The following THSD7A variants were observed in gnomAD, a reference collection of about 807,000 sequenced individuals.
The protein encoded by THSD7A is thrombospondin type-1 domain-containing protein 7A.
Under a neutral mutation model 231.3 loss-of-function variants are expected in THSD7A, and 96 were observed. The observed-to-expected ratio is 0.41, with a 90% CI of 0.35 to 0.49. THSD7A has a LOEUF of 0.49. Ranked by LOEUF, THSD7A falls within the 20% of genes least tolerant of loss-of-function variation. THSD7A has a pLI of 0.05. For synonymous variants in THSD7A, 940 were observed against 743.3 expected (o/e 1.26, Z -4.30); for missense variants, 2,290 against 2,070.2 (o/e 1.11, Z -2.06).
chr7:11,796,546 C>T (rs889215256), intron 1 of THSD7A, among the ~76,000 whole-genome samples: 2 of 151,474 alleles, frequency 1.3e-5, no homozygotes, highest in African/African-American at 4.8e-5. Context: ...TTACTTTATG[C>T]AGTCTTTGTT....
Position 11,423,958 on chromosome 7 carries a change from T to C in THSD7A, c.3383+738A>G, listed in dbSNP as rs567619701. On this transcript the variant is annotated intron_variant, in intron 16 of 27. Transcript: ENST00000423059. ...TATGTGGGGTCTCTGTTTTAAGAAA[T>C]TTTATAAAGTTTTATTAAGGGGATA... 7.2e-5 allele frequency among the ~76,000 whole-genome samples: 11 copies of C among 152,248 alleles called. No homozygotes were observed. In the South Asian group the frequency reaches 2.3e-3, roughly 32 times the overall value.
At chr7:11,826,281 C>T (rs920636775) in intron 1 of THSD7A, among the ~76,000 whole-genome samples, 1 of 152,074 alleles carries the variant, frequency 6.6e-6, no homozygotes, top group African/African-American at 2.4e-5. Context: ...TAAATAATGG[C>T]TATTATGTAC....
chr7:11,534,207 G>T (rs1429280185), intron 6 of THSD7A, among the ~76,000 whole-genome samples: 1 of 152,152 alleles, frequency 6.6e-6, no homozygotes, highest in Admixed American at 6.6e-5. Context: ...TGTAACCAGA[G>T]AGTAGACCAT....
At position 11,373,614 on chromosome 7, in the gene THSD7A, G is replaced by T. The variant is rs1782145776; in HGVS notation, c.*2180C>A. The T allele has an allele frequency of 1.3e-5, 2 of 151,862 alleles. No individual in the cohort carries two copies. Among genetic ancestry groups the T allele is most frequent in the African/African-American group, 2.4e-5 (1 of 41,342 alleles). The allele number at this position is 151,862 out of a possible 1,614,324, so 9.4% of individuals were successfully genotyped here. On this transcript the variant is annotated 3_prime_UTR_variant, in exon 28 of 28. Coordinates refer to ENST00000423059, the MANE Select transcript of THSD7A (RefSeq NM_015204.3). ...CCTAATATAGTGAATATTGAATGAG[G>T]AATTAGCGCTTACTGCATTTAGTTC...
At chr7:11,721,357 T>G (rs1781344799) in intron 1 of THSD7A, among the ~76,000 whole-genome samples, 2 of 151,610 alleles carry the variant, frequency 1.3e-5, no homozygotes, top group African/African-American at 4.8e-5. Flanking sequence ...AGTGAGTGAG[T>G]TCTCATGAAA....
intron 1 of THSD7A, among the ~76,000 whole-genome samples, chr7:11,674,229 G>A (rs1783540722): frequency 6.6e-6 from 1 of 152,044 alleles, no homozygotes. Context: ...CCTGGAAATG[G>A]ATTTAGAAAG....
chr7:11,777,566 G>T (rs946071041), intron 1 of THSD7A, among the ~76,000 whole-genome samples: 5 of 151,940 alleles, frequency 3.3e-5, no homozygotes, highest in African/African-American at 1.2e-4. Flanking sequence ...CTCCCTTACT[G>T]GGGTCCCAGA....
chr7:11,610,125 C>CT (rs1780872748), intron 2 of THSD7A, among the ~76,000 whole-genome samples: 1 of 152,022 alleles, frequency 6.6e-6, no homozygotes, highest in African/African-American at 2.4e-5. Context: ...ATATTAATAA[C>CT]TTTTTTAGTA....
At chr7:11,663,639 T>A (rs1584170423) in intron 1 of THSD7A, among the ~76,000 whole-genome samples, 1 of 135,768 alleles carries the variant, frequency 7.4e-6, no homozygotes, top group African/African-American at 2.7e-5. Flanking sequence ...TGGATGCAAA[T>A]TTTTTTTAAT....
intron 14 of THSD7A, 22 bp from the exon 15 acceptor site, chr7:11,426,693 A>C: frequency 1.3e-6 from 2 of 1,559,032 alleles, no homozygotes; most frequent in Non-Finnish European, 1.7e-6. Flanking sequence ...TTCAACAGGA[A>C]TGATGAAAAG....
At chr7:11,643,648 T>C (rs1782173561) in intron 1 of THSD7A, among the ~76,000 whole-genome samples, 1 of 151,778 alleles carries the variant, frequency 6.6e-6, no homozygotes, top group Non-Finnish European at 1.5e-5. Flanking sequence ...TACTGTTATT[T>C]AATCTCCTTT....
intron 13 of THSD7A, among the ~76,000 whole-genome samples, chr7:11,445,631 A>G (rs1223436725): frequency 6.6e-6 from 1 of 152,002 alleles, no homozygotes; most frequent in Non-Finnish European, 1.5e-5. Flanking sequence ...CATTTTGTGC[A>G]TATTGCAAAT....
intron 1 of THSD7A, among the ~76,000 whole-genome samples, chr7:11,769,647 C>T (rs1249382773): frequency 6.6e-6 from 1 of 152,056 alleles, no homozygotes; most frequent in African/African-American, 2.4e-5. Context: ...AATTTTGTCT[C>T]ACCTGATTTA....
At chr7:11,497,548 C>T (rs10269979) in intron 6 of THSD7A, among the ~76,000 whole-genome samples, 1,811 of 148,234 alleles carry the variant, frequency 0.012, 45 homozygotes, top group African/African-American at 0.042. Flanking sequence ...AAACACTGGT[C>T]ATTTTTTTGG....
At chr7:11,660,361 T>C (rs1006986825) in intron 1 of THSD7A, among the ~76,000 whole-genome samples, 4 of 151,518 alleles carry the variant, frequency 2.6e-5, no homozygotes, top group Non-Finnish European at 5.9e-5. Flanking sequence ...TTCAGGTTGA[T>C]ATAAATTAAA....
intron 1 of THSD7A, among the ~76,000 whole-genome samples, chr7:11,760,943 A>G (rs1402768163): frequency 6.7e-6 from 1 of 148,744 alleles, no homozygotes; most frequent in Non-Finnish European, 1.5e-5. Flanking sequence ...ACTGGCTATA[A>G]TATTTATAAA....
rs990983048 is a variant in THSD7A at position 11,637,175 on chromosome 7, T to C, written c.191-214A>G. Among the ~76,000 whole-genome samples the C allele has an allele frequency of 6.6e-6, 1 of 152,338 alleles. No homozygotes were observed. ...CACAGAGTCTATATAAGGTAACTTCTGGGACAATTTCACTTTGGGTCCTTT... is the reference window on the plus strand; with the variant it reads ...CACAGAGTCTATATAAGGTAACTTCCGGGACAATTTCACTTTGGGTCCTTT... On this transcript the variant is annotated intron_variant, in intron 1 of 27. Transcript: ENST00000423059. The surrounding 1 kb of genome is among the most constrained non-coding windows in gnomAD (Gnocchi z 4.2).
intron 1 of THSD7A, among the ~76,000 whole-genome samples, chr7:11,694,325 C>T (rs977537768): frequency 6.6e-6 from 1 of 151,502 alleles, no homozygotes; most frequent in African/African-American, 2.4e-5. Flanking sequence ...CACCAGAAGC[C>T]ACAGTTGGGC....
chr7:11,655,264 G>A (rs1036906371), intron 1 of THSD7A, among the ~76,000 whole-genome samples: 2 of 151,838 alleles, frequency 1.3e-5, no homozygotes, highest in African/African-American at 4.8e-5. Flanking sequence ...TCTGTGATTT[G>A]TTAGGATCCA....
Sources: gnomAD v4.1 joint callset for allele counts (sites outside exome capture counted in the v4.1 genomes callset) on GRCh38, gnomAD v4.1.1 for gene constraint, Gnocchi (gnomAD v3.1) non-coding constraint, MANE v1.5 for transcripts, NCBI Gene and HGNC (gene_info 2026-07-23, HGNC 2026-07-21) for gene names.